The following FHIT variants were observed in gnomAD, a reference collection of about 807,000 sequenced individuals.
FHIT encodes fragile histidine triad diadenosine triphosphatase, also known as bis(5'-adenosyl)-triphosphatase.
FHIT carries 19 observed loss-of-function variants against 17.9 expected under a neutral mutation model. The observed-to-expected ratio is 1.06, with a 90% CI of 0.74 to 1.56. The LOEUF (loss-of-function observed/expected upper bound fraction) is 1.56. Ranked by LOEUF, FHIT falls within the 40% of genes most tolerant of loss-of-function variation. The pLI, the probability that FHIT is intolerant of heterozygous loss-of-function variation, is 0.00. For missense variants in FHIT, 248 were observed against 189.2 expected (o/e 1.31, Z -1.82); for synonymous variants, 81 against 69.7 (o/e 1.16, Z -0.81).
At chr3:60,526,009 G>A (rs554112003) in intron 5 of FHIT, among the ~76,000 whole-genome samples, 1 of 152,196 alleles carries the variant, frequency 6.6e-6, no homozygotes, top group East Asian at 1.9e-4. Context: ...AGGCTGAGGT[G>A]AGAAGATCAC....
chr3:60,669,238 G>C (rs1488107941), intron 4 of FHIT, among the ~76,000 whole-genome samples: 1 of 152,210 alleles, frequency 6.6e-6, no homozygotes, highest in Non-Finnish European at 1.5e-5. Flanking sequence ...GTTGTTGGTA[G>C]AATGTAAACA....
At chr3:60,123,232 G>A (rs1705338282) in intron 5 of FHIT, among the ~76,000 whole-genome samples, 1 of 152,168 alleles carries the variant, frequency 6.6e-6, no homozygotes, top group African/African-American at 2.4e-5. Flanking sequence ...CAAGATTGAT[G>A]AGAAGTAGTA....
At chr3:60,323,919 A>C (rs780392687) in intron 5 of FHIT, among the ~76,000 whole-genome samples, 43 of 152,182 alleles carry the variant, frequency 2.8e-4, no homozygotes, top group Non-Finnish European at 5.1e-4. Context: ...CCCCCTGGCT[A>C]ATGAGAAGGG....
Position 60,495,772 on chromosome 3 carries a change from G to A in FHIT, c.103+41088C>T, listed in dbSNP as rs79328969. ...AGTCAAGGTAAAGAACAGCCAAAAT[G>A]TGATTAAAAGAAAGGAATGCTTGTC... On this transcript the variant is annotated intron_variant, in intron 5 of 9. Coordinates refer to ENST00000492590, the MANE Select transcript of FHIT (RefSeq NM_002012.4). Among the ~76,000 whole-genome samples the A allele has an allele frequency of 2.7e-4, 41 of 152,234 alleles. No individual in the cohort carries two copies. In the East Asian group the frequency reaches 7.5e-3, roughly 28 times the overall value.
chr3:59,833,721 G>T (rs1056336388), intron 8 of FHIT, among the ~76,000 whole-genome samples: 5 of 152,178 alleles, frequency 3.3e-5, no homozygotes, highest in African/African-American at 1.2e-4. Context: ...GACAGGGTTT[G>T]GCTCTGTGTC....
At chr3:59,780,701 A>G (rs1702545134) in intron 8 of FHIT, among the ~76,000 whole-genome samples, 1 of 152,168 alleles carries the variant, frequency 6.6e-6, no homozygotes, top group South Asian at 2.1e-4. Flanking sequence ...CTTTCTCTCC[A>G]CCATGTGAGG....
At chr3:60,002,303 GTTGTTTGT>G (rs759830544) in intron 7 of FHIT, among the ~76,000 whole-genome samples, 2 of 152,080 alleles carry the variant, frequency 1.3e-5, no homozygotes, top group East Asian at 1.9e-4. Context: ...TTTGTTTGTT[GTTGTTTGT>G]TTGTTTGTTT....
intron 5 of FHIT, among the ~76,000 whole-genome samples, chr3:60,081,279 G>A (rs891631458): frequency 2.6e-5 from 4 of 152,040 alleles, no homozygotes; most frequent in African/African-American, 4.8e-5. Flanking sequence ...GGGTGGTTCT[G>A]CATATTAAAA....
At position 60,971,294 on chromosome 3, in the gene FHIT, C is replaced by T. The variant is rs998630599; in HGVS notation, c.-111+70753G>A. Among the ~76,000 whole-genome samples, 9 of 152,174 alleles carry T rather than the reference C, an allele frequency of 5.9e-5. No individual in the cohort carries two copies. The South Asian group carries it at 6.2e-4, about 11-fold the overall frequency. On this transcript the variant is annotated intron_variant, in intron 3 of 9. Coordinates refer to ENST00000492590, the MANE Select transcript of FHIT (RefSeq NM_002012.4). The stretch of plus-strand genomic sequence containing the variant: ...CTGAGGCAGGAGAATCACTTGAACC[C>T]GGGAGGTTTCAGTGAGCAGCCTGGG...
chr3:60,735,579 C>T (rs539919246), intron 4 of FHIT, among the ~76,000 whole-genome samples: 5 of 152,314 alleles, frequency 3.3e-5, no homozygotes, highest in South Asian at 2.1e-4. Context: ...GAGCGTCTAG[C>T]GGCCATCTAA....
At chr3:60,389,453 T>C (rs1445142119) in intron 5 of FHIT, among the ~76,000 whole-genome samples, 1 of 152,178 alleles carries the variant, frequency 6.6e-6, no homozygotes, top group African/African-American at 2.4e-5. Context: ...CTGTCATCTG[T>C]CCTCACACGT....
At chr3:59,800,748 T>A (rs1343368251) in intron 8 of FHIT, among the ~76,000 whole-genome samples, 1 of 152,126 alleles carries the variant, frequency 6.6e-6, no homozygotes, top group Admixed American at 6.6e-5. Flanking sequence ...AAAGGGGGTC[T>A]TAAATGTAAC....
intron 8 of FHIT, among the ~76,000 whole-genome samples, chr3:59,863,560 C>T (rs1269435801): frequency 1.3e-5 from 2 of 152,166 alleles, no homozygotes; most frequent in African/African-American, 2.4e-5. Flanking sequence ...CCAATGAAGC[C>T]AGAGACCATG....
intron 5 of FHIT, among the ~76,000 whole-genome samples, chr3:60,329,090 C>A (rs1709838059): frequency 6.6e-6 from 1 of 152,196 alleles, no homozygotes; most frequent in African/African-American, 2.4e-5. Flanking sequence ...AATTAGTTAA[C>A]TGCCATCTCA....
At chr3:60,647,452 C>A (rs1213681492) in intron 4 of FHIT, among the ~76,000 whole-genome samples, 4 of 152,034 alleles carry the variant, frequency 2.6e-5, no homozygotes, top group African/African-American at 9.7e-5. Context: ...AGGGACCTGC[C>A]CAAGGCCTCC....
At chr3:60,540,838 G>C (rs1477731807) in intron 4 of FHIT, among the ~76,000 whole-genome samples, 1 of 152,184 alleles carries the variant, frequency 6.6e-6, no homozygotes, top group Non-Finnish European at 1.5e-5. Flanking sequence ...GTTTGCCCCA[G>C]TGGTACAAGA....
intron 5 of FHIT, among the ~76,000 whole-genome samples, chr3:60,111,310 G>C (rs936944555): frequency 6.6e-6 from 1 of 152,134 alleles, no homozygotes; most frequent in Non-Finnish European, 1.5e-5. Flanking sequence ...CTTAAATCTG[G>C]AATGAGTAAA....
intron 5 of FHIT, among the ~76,000 whole-genome samples, chr3:60,535,336 G>A (rs1179697457): frequency 6.6e-6 from 1 of 152,032 alleles, no homozygotes; most frequent in Admixed American, 6.6e-5. Context: ...TTCATCCCAG[G>A]TCCCTTTATT....
chr3:60,572,185 A>G (rs2037406820), intron 4 of FHIT, among the ~76,000 whole-genome samples: 1 of 152,166 alleles, frequency 6.6e-6, no homozygotes, highest in Admixed American at 6.6e-5. Flanking sequence ...TTGATGCAAT[A>G]TCTCCAATAT....
Sources: gnomAD v4.1 joint callset for allele counts (sites outside exome capture counted in the v4.1 genomes callset) on GRCh38, gnomAD v4.1.1 for gene constraint, MANE v1.5 for transcripts, NCBI Gene and HGNC (gene_info 2026-07-23, HGNC 2026-07-21) for gene names.